The following IQANK1 variants were observed in gnomAD, a reference collection of about 807,000 sequenced individuals.
The protein encoded by IQANK1 is IQ motif and ankyrin repeat containing 1, also known as IQ motif and ankyrin repeat domain-containing protein 1.
Under a neutral mutation model 22.6 loss-of-function variants are expected in IQANK1, and 30 were observed. That is an observed-to-expected ratio of 1.33 (90% CI 0.99 to 1.80). The LOEUF (loss-of-function observed/expected upper bound fraction) is 1.80, where lower values mean the gene tolerates loss of function less well. IQANK1 is among the 40% of genes most tolerant of loss of function. The pLI is 0.00. For synonymous variants in IQANK1, 122 were observed against 99.6 expected, an observed-to-expected ratio of 1.23 and a Z score of -1.34; for missense variants, 275 against 235.2, an observed-to-expected ratio of 1.17 and a Z score of -1.11.
At chr8:143,754,368 C>T (rs2129850448) in intron 3 of IQANK1, among the ~76,000 whole-genome samples, 1 of 152,330 alleles carries the variant, frequency 6.6e-6, no homozygotes, top group Admixed American at 6.5e-5. Flanking sequence ...GAGCACCTCT[C>T]CCAGGGCTAA....
At chr8:143,734,871 C>T (rs1009764487) in intron 1 of IQANK1, among the ~76,000 whole-genome samples, 2 of 151,420 alleles carry the variant, frequency 1.3e-5, no homozygotes, top group Non-Finnish European at 2.9e-5. Flanking sequence ...CCCGAGCTGC[C>T]CCTGGGTGCT....
chr8:143,749,779 T>C (rs1819152877), intron 3 of IQANK1, among the ~76,000 whole-genome samples: 1 of 150,032 alleles, frequency 6.7e-6, no homozygotes, highest in African/African-American at 2.4e-5. Context: ...GCCGGGGTGG[T>C]CTCAAACTCC....
chr8:143,760,316 T>G (rs1355133402), intron 3 of IQANK1: 1 of 152,182 alleles, frequency 6.6e-6, no homozygotes, highest in African/African-American at 2.4e-5. Flanking sequence ...CATGGCACAT[T>G]CTGGTGCCAA....
At chr8:143,742,512 C>T (rs1486696684) in intron 3 of IQANK1, 1 of 455,930 alleles carries the variant, frequency 2.2e-6, no homozygotes, top group Non-Finnish European at 4.4e-6. Context: ...GGGCTGGGCC[C>T]CACAAACACC....
intron 7 of IQANK1, among the ~76,000 whole-genome samples, chr8:143,776,463 G>A (rs1268486743): frequency 1.3e-5 from 2 of 152,054 alleles, no homozygotes; most frequent in Non-Finnish European, 2.9e-5. Flanking sequence ...TGGACATCAG[G>A]CAACAAATCA....
chr8:143,772,459 G>A lies in IQANK1; in HGVS notation c.766G>A (p.Glu256Lys), dbSNP rs1819597901. ...KLGADPRVYA[E>K]DGSTPERVAS... Reference sequence around the variant, plus strand: ...CGGAGCAGACCCCCGGGTGTACGCAGAGGACGGGAGCACCCCTGAGCGGGT... The same window carrying A: ...CGGAGCAGACCCCCGGGTGTACGCAAAGGACGGGAGCACCCCTGAGCGGGT... The change falls in exon 7 of 14, where the codon GAG (glutamate) becomes AAG (lysine). Residue 256 changes from glutamate (E) to lysine (K), a missense_variant. Coordinates refer to ENST00000527139, the MANE Select transcript of IQANK1 (RefSeq NM_001381874.1). 1.3e-5 allele frequency: 5 copies of A among 399,216 alleles called. No homozygotes were observed. The East Asian group carries it at 1.8e-4, about 14-fold the overall frequency. 24.7% of individuals were successfully genotyped at this position (399,216 alleles called of 1,614,324 possible).
At chr8:143,775,822 A>ACACACC (rs782475548) in intron 7 of IQANK1, among the ~76,000 whole-genome samples, 1 of 140,278 alleles carries the variant, frequency 7.1e-6, no homozygotes, top group East Asian at 1.9e-4. Context: ...ACACACACAC[A>ACACACC]CCATTCCTAA....
intron 3 of IQANK1, among the ~76,000 whole-genome samples, chr8:143,764,328 G>T (rs1483145496): frequency 6.6e-6 from 1 of 151,938 alleles, no homozygotes; most frequent in Non-Finnish European, 1.5e-5. Flanking sequence ...AATAACAAAC[G>T]TGCAGACCAG....
rs559612169 is a variant in IQANK1 at position 143,748,051 on chromosome 8, A to G, written c.175+8103A>G. ...CTCCTGTCACCCAGGCTGGAGTGCA[A>G]CAGCACAATCTCGGCTCACTGCAAC... On this transcript the variant is annotated intron_variant, in intron 3 of 13. Transcript: ENST00000527139. 1.5e-4 allele frequency among the ~76,000 whole-genome samples: 23 copies of G among 150,164 alleles called. No homozygotes were observed. In the South Asian group the frequency reaches 4.9e-3, roughly 32 times the overall value.
intron 3 of IQANK1, among the ~76,000 whole-genome samples, chr8:143,751,262 G>T (rs999258834): frequency 6.6e-6 from 1 of 151,836 alleles, no homozygotes; most frequent in Non-Finnish European, 1.5e-5. Flanking sequence ...GAAAAAAGTG[G>T]AGTTACAAAC....
intron 7 of IQANK1, 60 bp from the exon 8 acceptor site, chr8:143,788,855 T>A: frequency 2.5e-6 from 1 of 398,864 alleles, no homozygotes. Flanking sequence ...ACAGTTCCTC[T>A]CCAGGCTGAG....
chr8:143,753,525 C>T (rs1276170276), intron 3 of IQANK1, among the ~76,000 whole-genome samples: 1 of 149,474 alleles, frequency 6.7e-6, no homozygotes, highest in Non-Finnish European at 1.5e-5. Flanking sequence ...ATGATCTCGG[C>T]TCACTGCAAC....
At position 143,790,499 on chromosome 8, in the gene IQANK1, G is replaced by A. The variant is rs1820017015; in HGVS notation, c.1574G>A (p.Arg525Gln). 7.3e-6 allele frequency: 3 copies of A among 408,346 alleles called. No homozygotes were observed. The South Asian group carries it at 3.7e-4, about 51-fold the overall frequency. The allele number at this position is 408,346 out of a possible 1,614,324, so 25.3% of individuals were successfully genotyped here. The change falls in exon 14 of 14, where the codon CGG becomes CAG. Residue 525 changes from arginine (R) to glutamine (Q), a missense_variant. Arg to Gln is a conservative substitution (Grantham distance 43). Transcript: ENST00000527139. ...EYSPTQFQEQ[R>Q]LEHFRLFFVT... ...AGCCCCACGCAGTTCCAGGAGCAGC[G>A]GCTGGAGCACTTCCGCCTCTTTTTC...
intron 7 of IQANK1, among the ~76,000 whole-genome samples, chr8:143,782,210 T>G (rs1242126355): frequency 6.6e-6 from 1 of 152,220 alleles, no homozygotes; most frequent in African/African-American, 2.4e-5. Context: ...AAGGAGCTTT[T>G]GGGCTAAGAC....
intron 7 of IQANK1, among the ~76,000 whole-genome samples, chr8:143,784,593 G>T (rs977741166): frequency 6.6e-6 from 1 of 152,194 alleles, no homozygotes; most frequent in South Asian, 2.1e-4. Context: ...AACAAAATGA[G>T]TTTATTTTTT....
chr8:143,777,236 C>T (rs781840380), intron 7 of IQANK1, among the ~76,000 whole-genome samples: 15 of 152,008 alleles, frequency 9.9e-5, no homozygotes, highest in Non-Finnish European at 2.1e-4. Context: ...TAATAATTGG[C>T]TGGCCACAGT....
chr8:143,737,059 C>G (rs117615544), intron 2 of IQANK1, among the ~76,000 whole-genome samples: 1 of 152,174 alleles, frequency 6.6e-6, no homozygotes, highest in Non-Finnish European at 1.5e-5. Flanking sequence ...CGCTCCTCCA[C>G]GCCAGGCTGG....
In IQANK1 at chr8:143,757,912, AT is replaced by A. The variant is rs570752614; in HGVS notation, c.176-13575del. Among the ~76,000 whole-genome samples the A allele has an allele frequency of 8.5e-5, 13 of 152,310 alleles. No homozygotes were observed. The East Asian group carries it at 2.5e-3, about 29-fold the overall frequency. On this transcript the variant is annotated intron_variant, in intron 3 of 13. Coordinates refer to ENST00000527139, the MANE Select transcript of IQANK1 (RefSeq NM_001381874.1). ...CTGAATTTTCATGGCTTGCATGAAAATGTCATTTCTTACTGAGGCATTCAAG... is the reference window on the plus strand; with the variant it reads ...CTGAATTTTCATGGCTTGCATGAAAAGTCATTTCTTACTGAGGCATTCAAG...
Position 143,748,832 on chromosome 8 carries a change from C to CATATATAAATATATAAATATATATTT in IQANK1, c.175+8908_175+8909insTTATATATAAATATATAAATATATAT, listed in dbSNP as rs1554627616. Among the ~76,000 whole-genome samples, 6 of 108,532 alleles carry CATATATAAATATATAAATATATATTT rather than the reference C, an allele frequency of 5.5e-5. No homozygotes were observed. The East Asian group carries it at 1.1e-3, about 20-fold the overall frequency. The allele number at this position is 108,532 out of a possible 152,430, so 71.2% of individuals were successfully genotyped here. A position where few individuals can be genotyped will look rare whatever the true frequency, so the allele number is the denominator to read the frequency against. ...CATATAAATATATAAATATATATTT[C>CATATATAAATATATAAATATATATTT]ATATATAAATATATAAATATATATA... On this transcript the variant is annotated intron_variant, in intron 3 of 13. Coordinates refer to ENST00000527139, the MANE Select transcript of IQANK1 (RefSeq NM_001381874.1).
Sources: allele counts gnomAD v4.1 joint callset (sites outside exome capture counted in the v4.1 genomes callset), GRCh38; gene constraint gnomAD v4.1.1; transcripts MANE v1.5; gene names NCBI Gene and HGNC (gene_info 2026-07-23, HGNC 2026-07-21).